The following TMEM117 variants were observed in gnomAD, a reference collection of about 807,000 sequenced individuals.
TMEM117 encodes the protein transmembrane protein 117.
TMEM117 carries 27 observed loss-of-function variants against 52.4 expected under a neutral mutation model. The observed-to-expected ratio is 0.51, with a 90% CI of 0.38 to 0.71. The LOEUF is 0.71. Among genes scored for constraint, TMEM117 ranks in the 30% least tolerant of loss-of-function variants. The pLI is 0.00. For synonymous variants in TMEM117, 215 were observed against 206.3 expected, an observed-to-expected ratio of 1.04 and a Z score of -0.36; for missense variants, 556 against 630.5, an observed-to-expected ratio of 0.88 and a Z score of 1.26.
chr12:44,115,126 A>T (rs1007842030), intron 3 of TMEM117, among the ~76,000 whole-genome samples: 9 of 152,168 alleles, frequency 5.9e-5, no homozygotes, highest in African/African-American at 1.9e-4. Flanking sequence ...GACATTGCCA[A>T]TCCTTTAAAA....
At chr12:43,889,782 A>G (rs959989916) in intron 2 of TMEM117, among the ~76,000 whole-genome samples, 1 of 152,222 alleles carries the variant, frequency 6.6e-6, no homozygotes, top group African/African-American at 2.4e-5. Context: ...TTCTTAAAAC[A>G]ATGGGTGATT....
intron 3 of TMEM117, among the ~76,000 whole-genome samples, chr12:43,994,352 T>C (rs941972034): frequency 6.6e-6 from 1 of 152,198 alleles, no homozygotes. Flanking sequence ...CTATAGAATA[T>C]CATGATTCAA....
At chr12:44,328,750 A>G (rs772129714) in intron 6 of TMEM117, among the ~76,000 whole-genome samples, 18 of 152,084 alleles carry the variant, frequency 1.2e-4, no homozygotes, top group Non-Finnish European at 2.2e-4. Context: ...CATTACCAGG[A>G]AAGTCAGATA....
intron 3 of TMEM117, among the ~76,000 whole-genome samples, chr12:44,131,284 A>G (rs1488484493): frequency 3.3e-5 from 5 of 152,124 alleles, no homozygotes; most frequent in Admixed American, 1.3e-4. Context: ...TTAGTTTCCA[A>G]TGATCTGGGA....
chr12:43,954,152 G>A (rs73085708), intron 3 of TMEM117, among the ~76,000 whole-genome samples: 3 of 152,066 alleles, frequency 2.0e-5, no homozygotes, highest in Non-Finnish European at 4.4e-5. Context: ...TGCAGCTAAA[G>A]CAGTATTAAG....
chr12:44,160,611 C>G (rs1040792078), intron 4 of TMEM117, among the ~76,000 whole-genome samples: 2 of 151,618 alleles, frequency 1.3e-5, no homozygotes, highest in Admixed American at 6.6e-5. Context: ...TGAAACCAGC[C>G]TCACAACATA....
At chr12:44,357,298 T>C (rs1439152583) in intron 6 of TMEM117, among the ~76,000 whole-genome samples, 1 of 152,130 alleles carries the variant, frequency 6.6e-6, no homozygotes, top group Non-Finnish European at 1.5e-5. Flanking sequence ...ATCATTTCTC[T>C]ATCTTGATGT....
intron 4 of TMEM117, among the ~76,000 whole-genome samples, chr12:44,176,840 A>G (rs115223656): frequency 6.6e-6 from 1 of 152,112 alleles, no homozygotes; most frequent in South Asian, 2.1e-4. Flanking sequence ...TGCTCTCTCT[A>G]TATATAAATG....
In TMEM117 at chr12:44,062,999, C is replaced by T. The variant is rs186922997; in HGVS notation, c.411-80526C>T. Among the ~76,000 whole-genome samples the T allele has an allele frequency of 6.2e-4, 94 of 152,250 alleles. 2 individuals carry two copies. The East Asian group carries it at 0.018, about 29-fold the overall frequency. On this transcript the variant is annotated intron_variant, in intron 3 of 7. Transcript: ENST00000266534. The stretch of plus-strand genomic sequence containing the variant: ...TTTTTGAAGAGCATTAACTCTCGGC[C>T]TCATGGGTGAAATGATGTCATGCAC...
At chr12:44,221,668 T>C (rs753505127) in intron 5 of TMEM117, among the ~76,000 whole-genome samples, 6 of 152,102 alleles carry the variant, frequency 3.9e-5, no homozygotes, top group Non-Finnish European at 7.4e-5. Flanking sequence ...GTTAAGTCTA[T>C]TTTGAATAAA....
the TMEM117 span, among the ~76,000 whole-genome samples, chr12:44,395,341 C>T: frequency 6.6e-6 from 1 of 152,096 alleles, no homozygotes; most frequent in Non-Finnish European, 1.5e-5. Context: ...TATCCTATTC[C>T]CCATCATTAT....
chr12:44,118,326 A>G (rs539138198), intron 3 of TMEM117, among the ~76,000 whole-genome samples: 36 of 152,340 alleles, frequency 2.4e-4, no homozygotes, highest in African/African-American at 8.2e-4. Context: ...AAAGAATTCT[A>G]TTAGGTACCT....
At chr12:44,363,366 A>G (rs982438834) in intron 6 of TMEM117, among the ~76,000 whole-genome samples, 3 of 152,212 alleles carry the variant, frequency 2.0e-5, no homozygotes, top group Non-Finnish European at 4.4e-5. Flanking sequence ...AGAACAGTGC[A>G]TCAATTACAG....
At chr12:44,183,372 G>T (rs1592588000) in intron 4 of TMEM117, among the ~76,000 whole-genome samples, 1 of 152,154 alleles carries the variant, frequency 6.6e-6, no homozygotes, top group East Asian at 1.9e-4. Flanking sequence ...GCTGTTAATT[G>T]AGAATACTTA....
chr12:44,348,915 G>A (rs1263820391), intron 6 of TMEM117, among the ~76,000 whole-genome samples: 1 of 151,950 alleles, frequency 6.6e-6, no homozygotes, highest in African/African-American at 2.4e-5. Flanking sequence ...ATGTCAGTCA[G>A]AGAGGTGATT....
chr12:44,284,466 C>T (rs904447469), intron 5 of TMEM117, among the ~76,000 whole-genome samples: 2 of 152,202 alleles, frequency 1.3e-5, no homozygotes, highest in Admixed American at 6.5e-5. Context: ...TACAATTTCC[C>T]TCTGTTGAAC....
rs551523141 is a variant in TMEM117, at chr12:44,024,816, ATATATGTG to A, written c.410+80480_410+80487del. Among the ~76,000 whole-genome samples, 82 of 152,288 alleles carry A rather than the reference ATATATGTG, an allele frequency of 5.4e-4. 1 individual carries two copies. In the South Asian group the frequency reaches 0.013, roughly 24 times the overall value. On this transcript the variant is annotated intron_variant, in intron 3 of 7. Transcript: ENST00000266534. ...TGCCTTTGAATGTATATATACACACATATATGTGTATATATGTATATCTACATATATAT... is the reference window on the plus strand; with the variant it reads ...TGCCTTTGAATGTATATATACACACATATATATGTATATCTACATATATAT...
chr12:44,342,134 A>G (rs932508042), intron 6 of TMEM117, among the ~76,000 whole-genome samples: 1 of 152,158 alleles, frequency 6.6e-6, no homozygotes, highest in Non-Finnish European at 1.5e-5. Context: ...CTAGCTTCTC[A>G]GGAACAATTC....
At chr12:43,834,144 A>G (rs1942998589), upstream of TMEM117, among the ~76,000 whole-genome samples, 1 of 152,216 alleles carries the variant, frequency 6.6e-6, no homozygotes, top group South Asian at 2.1e-4. Context: ...AGTATTCTGT[A>G]TAATTTGTGA....
Sources: gnomAD v4.1 joint callset for allele counts (sites outside exome capture counted in the v4.1 genomes callset) on GRCh38, gnomAD v4.1.1 for gene constraint, MANE v1.5 for transcripts, NCBI Gene and HGNC (gene_info 2026-07-23, HGNC 2026-07-21) for gene names.